Variants in ATP1A3 observed in about 807,000 individuals in gnomAD.
ATP1A3 encodes sodium/potassium-transporting ATPase subunit alpha-3.
ATP1A3 carries 12 observed loss-of-function variants against 108.8 expected under a neutral mutation model. The ratio of observed to expected loss-of-function variants is 0.11; its 90% CI spans 0.07 to 0.18. The LOEUF (loss-of-function observed/expected upper bound fraction) is 0.18. ATP1A3 is among the 10% of genes least tolerant of loss of function. ATP1A3 has a pLI of 1.00. For missense variants in ATP1A3, 498 were observed against 1,387.7 expected, an observed-to-expected ratio of 0.36 and a Z score of 10.19; for synonymous variants, 539 against 564.5, an observed-to-expected ratio of 0.95 and a Z score of 0.64.
At chr19:41,969,390 G>A (rs368378015) in intron 19 of ATP1A3, 45 bp downstream of exon 19, 40 of 1,613,766 alleles carry the variant, frequency 2.5e-5, no homozygotes, top group South Asian at 1.3e-4. Context: ...AGCTCACCCC[G>A]GGGATCTTAC....
chr19:41,985,504 A>C lies in ATP1A3; in HGVS notation c.607-81T>G. On this transcript the variant is annotated intron_variant, in intron 6 of 22. Coordinates refer to ENST00000648268, the MANE Select transcript of ATP1A3 (RefSeq NM_152296.5). The surrounding 1 kb of genome is among the most constrained non-coding windows in gnomAD (Gnocchi z 8.2). ...ATTTGTGTACAGGGCTTGGGGCTGA[A>C]GCCTGTGTGCCTGGAGATCACAGCT... The C allele has an allele frequency of 7.4e-7, 1 of 1,360,322 alleles. No individual in the cohort carries two copies. 84.3% of individuals were successfully genotyped at this position (1,360,322 alleles called of 1,614,324 possible).
rs559121628 is a variant in ATP1A3, at chr19:41,981,026, C to G, written c.1437+476G>C. Among the ~76,000 whole-genome samples the G allele has an allele frequency of 4.2e-3, 614 of 147,110 alleles. 5 individuals carry two copies. The highest frequency in any genetic ancestry group is 9.0e-3 in the Admixed American group (132 of 14,718). On this transcript the variant is annotated intron_variant, in intron 11 of 22. Transcript: ENST00000648268. This position sits in a 1 kb window ranked among gnomAD's most constrained non-coding sequence, Gnocchi z 5.0. ...TTTTTTTTTTTTTTTGAGTCAGGGT[C>G]TTGCTCTGTCACCCAGGCTGGAGTA...
chr19:41,990,756 C>G (rs1209516576), intron 1 of ATP1A3, among the ~76,000 whole-genome samples: 2 of 151,550 alleles, frequency 1.3e-5, no homozygotes, highest in Admixed American at 1.3e-4. Flanking sequence ...ATCTTCCTCT[C>G]TCTCTCTGTC....
At chr19:41,977,847 C>T in intron 14 of ATP1A3, 89 bp downstream of exon 14, 1 of 1,551,826 alleles carries the variant, frequency 6.4e-7, no homozygotes, top group South Asian at 1.2e-5. Context: ...ATGGGACAGG[C>T]AGTGCAGAGG....
rs943461160 is a variant in ATP1A3 at position 41,981,443 on chromosome 19, T to C, written c.1437+59A>G. On this transcript the variant is annotated intron_variant, in intron 11 of 22. Transcript: ENST00000648268. This position sits in a 1 kb window ranked among gnomAD's most constrained non-coding sequence, Gnocchi z 5.0. ...AAAATCAAGGCTCTATGACACCTCT[T>C]TACAGGCGTCATAAGGAACCTGAGG... The C allele has an allele frequency of 5.0e-6, 8 of 1,611,782 alleles. No individual in the cohort carries two copies. The East Asian group carries it at 1.6e-4, about 31-fold the overall frequency.
At chr19:41,991,469 G>T (rs2075337930) in intron 1 of ATP1A3, among the ~76,000 whole-genome samples, 1 of 152,218 alleles carries the variant, frequency 6.6e-6, no homozygotes, top group Non-Finnish European at 1.5e-5. Context: ...CTGCCCTACA[G>T]TGCCGGGGTG....
At position 41,970,380 on chromosome 19, in the gene ATP1A3, G is replaced by A; in HGVS notation, c.2418+8C>T. 6.2e-7 allele frequency: 1 copy of A among 1,614,268 alleles called. No individual in the cohort carries two copies. The highest frequency in any genetic ancestry group is 8.5e-7 in the Non-Finnish European group (1 of 1,180,058). On this transcript the variant is annotated splice_region_variant and intron_variant, in intron 17 of 22. Transcript: ENST00000648268. ...TCCTGGGCCCCAAGGGTGGCTGCCA[G>A]GGCTCACCATGTCAGTGCCCAGATC...
At chr19:41,979,826 TAGAG>T (rs1201923326) in intron 11 of ATP1A3, among the ~76,000 whole-genome samples, 1 of 152,220 alleles carries the variant, frequency 6.6e-6, no homozygotes, top group Non-Finnish European at 1.5e-5. Context: ...ATTATACACT[TAGAG>T]GGACGAGCTA....
chr19:41,978,820 G>A lies in ATP1A3; in HGVS notation c.1438-22C>T, dbSNP rs782298509. ...AGAGCTGGGGACCGATCAGAGGGTG[G>A]CGTGCCTGAGCCACGCAGACACCAG... On this transcript the variant is annotated intron_variant, in intron 11 of 22. Coordinates refer to ENST00000648268, the MANE Select transcript of ATP1A3 (RefSeq NM_152296.5). The surrounding 1 kb of genome is among the most constrained non-coding windows in gnomAD (Gnocchi z 8.3). 6.2e-7 allele frequency: 1 copy of A among 1,612,626 alleles called. No individual in the cohort carries two copies. The highest frequency in any genetic ancestry group is 8.5e-7 in the Non-Finnish European group (1 of 1,179,098).
chr19:41,979,514 C>T (rs1555862652), intron 11 of ATP1A3, among the ~76,000 whole-genome samples: 1 of 152,054 alleles, frequency 6.6e-6, no homozygotes, highest in Non-Finnish European at 1.5e-5. Flanking sequence ...CCTATGTTGC[C>T]CACGCTGGTC....
Position 41,968,636 on chromosome 19 carries a change from A to G in ATP1A3, c.2819+149T>C. 1.5e-6 allele frequency: 2 copies of G among 1,315,510 alleles called. No individual in the cohort carries two copies. The highest frequency in any genetic ancestry group is 2.6e-5 in the South Asian group (2 of 77,434). The allele number at this position is 1,315,510 out of a possible 1,614,324, so 81.5% of individuals were successfully genotyped here. ...GGCTGCAGTGAGCTATGATTACACC[A>G]CTGAACTCCAGTCTGGGTGACAGAG... On this transcript the variant is annotated intron_variant, in intron 20 of 22. Transcript: ENST00000648268. The surrounding 1 kb of genome is among the most constrained non-coding windows in gnomAD (Gnocchi z 5.0).
Position 41,985,292 on chromosome 19 carries a change from T to G in ATP1A3, c.724+14A>C. Reference sequence around the variant, plus strand: ...GTCTGCCCCAGCTGTGTGTCTTCTCTGCACCCGCCTCACCTTCCACACAGT... The same window carrying G: ...GTCTGCCCCAGCTGTGTGTCTTCTCGGCACCCGCCTCACCTTCCACACAGT... On this transcript the variant is annotated intron_variant, in intron 7 of 22. Coordinates refer to ENST00000648268, the MANE Select transcript of ATP1A3 (RefSeq NM_152296.5). The surrounding 1 kb of genome is among the most constrained non-coding windows in gnomAD (Gnocchi z 8.2). 1 of 1,613,972 alleles carries G rather than the reference T, an allele frequency of 6.2e-7. No homozygotes were observed. The highest frequency in any genetic ancestry group is 8.5e-7 in the Non-Finnish European group (1 of 1,179,858).
rs138797500 is a variant in ATP1A3 at position 41,978,769 on chromosome 19, G to C, written c.1467C>G (p.Asn489Lys). ...QLSIHETEDP[N>K]DNRYLLVMKG... ...TCATCACCAGCAGGTATCGGTTGTC[G>C]TTGGGGTCCTCGGTCTCATGGATGG... Residue 489 changes from asparagine (N) to lysine (K), a missense_variant, in exon 12 of 23, where the codon AAC becomes AAG. Around this residue, in one of 9 missense-constraint regions of ATP1A3, gnomAD observed 92 missense variants for 168.7 expected, o/e 0.55. Transcript: ENST00000648268. This position sits in a 1 kb window ranked among gnomAD's most constrained non-coding sequence, Gnocchi z 8.3. The C allele has an allele frequency of 6.2e-7, 1 of 1,614,102 alleles. No individual in the cohort carries two copies. The highest frequency in any genetic ancestry group is 8.5e-7 in the Non-Finnish European group (1 of 1,180,006).
chr19:41,973,133 T>C (rs2145954942), intron 16 of ATP1A3, among the ~76,000 whole-genome samples: 1 of 152,230 alleles, frequency 6.6e-6, no homozygotes, highest in African/African-American at 2.4e-5. Flanking sequence ...TTCCAGGTGG[T>C]GGGGAAGAAA....
intron 11 of ATP1A3, among the ~76,000 whole-genome samples, chr19:41,979,796 G>A (rs1473234802): frequency 1.3e-5 from 2 of 152,196 alleles, no homozygotes; most frequent in Non-Finnish European, 2.9e-5. Flanking sequence ...CTATATCTGC[G>A]AATATACTAA....
chr19:41,981,709 T>C lies in ATP1A3; in HGVS notation c.1302+13A>G, dbSNP rs1376042021. 1.9e-6 allele frequency: 3 copies of C among 1,614,028 alleles called. No homozygotes were observed. In the African/African-American group the frequency reaches 4.0e-5, roughly 22 times the overall value. On this transcript the variant is annotated intron_variant, in intron 10 of 22. Coordinates refer to ENST00000648268, the MANE Select transcript of ATP1A3 (RefSeq NM_152296.5). This position sits in a 1 kb window ranked among gnomAD's most constrained non-coding sequence, Gnocchi z 5.0. ...ACAGGCAGGGCCGAGGTGAGGCCAGTAGCTGAACCCACCTTGAGCACAGGG... is the reference window on the plus strand; with the variant it reads ...ACAGGCAGGGCCGAGGTGAGGCCAGCAGCTGAACCCACCTTGAGCACAGGG...
rs782457841 is a variant in ATP1A3, at chr19:41,981,918, C to T, written c.1182G>A (p.Glu394=). The T allele has an allele frequency of 6.2e-7, 1 of 1,614,242 alleles. No homozygotes were observed. Among genetic ancestry groups the T allele is most frequent in the Non-Finnish European group, 8.5e-7 (1 of 1,180,044 alleles). The change falls in exon 9 of 23, where the codon GAG becomes GAA. Residue 394 remains glutamate, a synonymous_variant. Transcript: ENST00000648268. The surrounding 1 kb of genome is among the most constrained non-coding windows in gnomAD (Gnocchi z 5.0). ...GGGGCCTGCGCTCACCTGACTGGTC[C>T]TCAGTGGTGTCAGCCTCGTGGATCT... The part of the protein sequence containing the change: ...DNQIHEADTT[E]DQSGTSFDKS...
chr19:41,970,920 C>T (rs535562970), intron 16 of ATP1A3, among the ~76,000 whole-genome samples: 46 of 151,996 alleles, frequency 3.0e-4, no homozygotes, highest in South Asian at 6.2e-4. Context: ...GCGTGAGCCA[C>T]CGCGCCCGGC....
chr19:41,978,774 G>A lies in ATP1A3; in HGVS notation c.1462C>T (p.Pro488Ser), dbSNP rs1235079401. 1 of 1,614,012 alleles carries A rather than the reference G, an allele frequency of 6.2e-7. No homozygotes were observed. Among genetic ancestry groups the A allele is most frequent in the Non-Finnish European group, 8.5e-7 (1 of 1,179,970 alleles). The change falls in exon 12 of 23, where the codon CCC (proline) becomes TCC (serine). Residue 488 changes from proline (P) to serine (S), a missense_variant. Physicochemically the swap from Pro to Ser is moderately conservative, Grantham distance 74 (BLOSUM62 -1). Transcript: ENST00000648268. This position sits in a 1 kb window ranked among gnomAD's most constrained non-coding sequence, Gnocchi z 8.3. ...YQLSIHETED[P>S]NDNRYLLVMK... ...ACCAGCAGGTATCGGTTGTCGTTGG[G>A]GTCCTCGGTCTCATGGATGGAGAGC...
Sources: gnomAD v4.1 joint callset for allele counts (sites outside exome capture counted in the v4.1 genomes callset) on GRCh38, gnomAD v4.1.1 for gene constraint, gnomAD v4.1.1 regional missense constraint, Gnocchi (gnomAD v3.1) non-coding constraint, MANE v1.5 for transcripts, NCBI Gene and HGNC (gene_info 2026-07-23, HGNC 2026-07-21) for gene names.